FHIP1A: variants seen among roughly 807,000 people sequenced by gnomAD.
FHIP1A encodes FHF complex subunit HOOK-interacting protein 1A.
Under a neutral mutation model 88.6 loss-of-function variants are expected in FHIP1A, and 61 were observed. The observed-to-expected ratio is 0.69, with a 90% CI of 0.56 to 0.85. FHIP1A has a LOEUF of 0.85. Among genes scored for constraint, FHIP1A ranks in the 40% least tolerant of loss-of-function variants. The pLI is 0.00. For missense variants in FHIP1A, 1,154 were observed against 1,273.5 expected (o/e 0.91, Z 1.43); for synonymous variants, 478 against 496.0 (o/e 0.96, Z 0.48).
intron 3 of FHIP1A, among the ~76,000 whole-genome samples, chr4:151,537,630 A>G (rs1197628342): frequency 1.3e-5 from 2 of 152,134 alleles, no homozygotes; most frequent in African/African-American, 4.8e-5. Flanking sequence ...TTTTTCTTTT[A>G]CAGATTGTGC....
chr4:151,653,314 C>T (rs1737099045), intron 11 of FHIP1A, among the ~76,000 whole-genome samples: 2 of 151,992 alleles, frequency 1.3e-5, no homozygotes, highest in South Asian at 4.2e-4. Flanking sequence ...GGTGTGGTCT[C>T]TAGGGTGTAT....
chr4:151,453,446 A>G (rs1488527659), intron 1 of FHIP1A, among the ~76,000 whole-genome samples: 1 of 152,212 alleles, frequency 6.6e-6, no homozygotes, highest in African/African-American at 2.4e-5. Flanking sequence ...TTATTTTGTC[A>G]TCTACAATAG....
At chr4:151,473,525 T>C (rs1472057161) in intron 2 of FHIP1A, among the ~76,000 whole-genome samples, 4 of 152,202 alleles carry the variant, frequency 2.6e-5, no homozygotes, top group Non-Finnish European at 5.9e-5. Context: ...TCTTATTTTA[T>C]TAAAATCTTG....
intron 9 of FHIP1A, among the ~76,000 whole-genome samples, chr4:151,639,082 T>C (rs1736473841): frequency 6.6e-6 from 1 of 152,234 alleles, no homozygotes; most frequent in Admixed American, 6.5e-5. Flanking sequence ...CTGAATGTCT[T>C]TCTCCTGAAG....
chr4:151,410,289 G>A (rs892704008), intron 1 of FHIP1A, among the ~76,000 whole-genome samples: 4 of 152,226 alleles, frequency 2.6e-5, no homozygotes, highest in Non-Finnish European at 5.9e-5. Context: ...TCCAGGGACA[G>A]GGAAACCCCC....
intron 3 of FHIP1A, among the ~76,000 whole-genome samples, chr4:151,487,309 T>A (rs918078799): frequency 6.6e-6 from 1 of 152,214 alleles, no homozygotes; most frequent in Non-Finnish European, 1.5e-5. Flanking sequence ...TGAGTCTTCC[T>A]CTTCTTTTCA....
In FHIP1A at chr4:151,551,785, A is replaced by C. The variant is rs563000261; in HGVS notation, c.-122-14353A>C. On this transcript the variant is annotated intron_variant, in intron 3 of 13. Coordinates refer to ENST00000435205, the MANE Select transcript of FHIP1A (RefSeq NM_001109977.3). ...GGACATAGGCATGGGCAAAGACTTC[A>C]TGTCTAAAACACCAAAAGCAATGGC... Among the ~76,000 whole-genome samples, 8 of 152,354 alleles carry C rather than the reference A, an allele frequency of 5.3e-5. No individual in the cohort carries two copies. In the East Asian group the frequency reaches 1.5e-3, roughly 29 times the overall value.
intron 3 of FHIP1A, among the ~76,000 whole-genome samples, chr4:151,529,165 A>G (rs1580672994): frequency 6.6e-6 from 1 of 152,274 alleles, no homozygotes; most frequent in East Asian, 1.9e-4. Context: ...CTCTGGTTGC[A>G]AAGAATAGAG....
chr4:151,438,931 G>A (rs1458186094), intron 1 of FHIP1A, among the ~76,000 whole-genome samples: 4 of 152,056 alleles, frequency 2.6e-5, no homozygotes, highest in African/African-American at 7.2e-5. Flanking sequence ...GAAAGGTTAC[G>A]TTAGGGTCTT....
At chr4:151,483,722 G>C (rs1165006487) in intron 3 of FHIP1A, among the ~76,000 whole-genome samples, 1 of 152,098 alleles carries the variant, frequency 6.6e-6, no homozygotes, top group Non-Finnish European at 1.5e-5. Context: ...CTATCTAGCT[G>C]TAATTTTGTA....
At chr4:151,572,369 CTG>C in intron 4 of FHIP1A, among the ~76,000 whole-genome samples, 1 of 152,276 alleles carries the variant, frequency 6.6e-6, no homozygotes, top group Non-Finnish European at 1.5e-5. Flanking sequence ...CTTTCCATAA[CTG>C]TTTTATCCAA....
In FHIP1A at chr4:151,650,330, T is replaced by C; in HGVS notation, c.2289T>C (p.Asp763=). 5.2e-6 allele frequency: 8 copies of C among 1,551,636 alleles called. No individual in the cohort carries two copies. The highest frequency in any genetic ancestry group is 7.0e-6 in the Non-Finnish European group (8 of 1,146,988). The change falls in exon 11 of 14, where the codon GAT becomes GAC. Residue 763 remains aspartate, a synonymous_variant. Coordinates refer to ENST00000435205, the MANE Select transcript of FHIP1A (RefSeq NM_001109977.3). ...ATGACCAAATCATTAAAGAGCTGGA[T>C]TCCGGCGCCGAGGGCTTGATGGAAC... ...AQYDQIIKEL[D]SGAEGLMEQN... is the part of the protein sequence containing the mutation.
intron 3 of FHIP1A, among the ~76,000 whole-genome samples, chr4:151,560,036 G>A (rs2126761779): frequency 6.6e-6 from 1 of 152,162 alleles, no homozygotes; most frequent in Admixed American, 6.5e-5. Context: ...ATTGAAGCGG[G>A]GCACCTCATG....
chr4:151,504,607 G>GTTATGTTATGTTATT (rs1282977562), intron 3 of FHIP1A, among the ~76,000 whole-genome samples: 5 of 68,070 alleles, frequency 7.3e-5, no homozygotes, highest in East Asian at 6.4e-4. Context: ...GTTATGTTAT[G>GTTATGTTATGTTATT]TCATGTTATG....
chr4:151,585,705 G>A (rs1734185504), intron 5 of FHIP1A, among the ~76,000 whole-genome samples: 1 of 152,094 alleles, frequency 6.6e-6, no homozygotes, highest in South Asian at 2.1e-4. Context: ...TCTATTAAAG[G>A]CATCACCATT....
chr4:151,504,672 A>G (rs760808543), intron 3 of FHIP1A, among the ~76,000 whole-genome samples: 1 of 152,190 alleles, frequency 6.6e-6, no homozygotes. Flanking sequence ...CCCAGGCAGA[A>G]GTGCAGTGGT....
intron 8 of FHIP1A, among the ~76,000 whole-genome samples, chr4:151,635,121 G>T (rs1416642561): frequency 1.3e-5 from 2 of 151,418 alleles, no homozygotes; most frequent in Non-Finnish European, 3.0e-5. Context: ...ACTTACAAAG[G>T]ACCAAAAAAT....
chr4:151,616,534 C>T (rs1231645570), intron 7 of FHIP1A, among the ~76,000 whole-genome samples: 7 of 149,820 alleles, frequency 4.7e-5, no homozygotes, highest in South Asian at 2.2e-4. Flanking sequence ...CTGCAAGCTC[C>T]GCCTCCCGGG....
At chr4:151,486,130 G>A (rs1420208548) in intron 3 of FHIP1A, among the ~76,000 whole-genome samples, 4 of 152,132 alleles carry the variant, frequency 2.6e-5, no homozygotes, top group Non-Finnish European at 5.9e-5. Flanking sequence ...TGCCACTGCT[G>A]ATCTAACAGG....
Sources: gnomAD v4.1 joint callset for allele counts (sites outside exome capture counted in the v4.1 genomes callset) on GRCh38, gnomAD v4.1.1 for gene constraint, MANE v1.5 for transcripts, NCBI Gene and HGNC (gene_info 2026-07-23, HGNC 2026-07-21) for gene names.